The following SLC26A11 variants were observed in gnomAD, a reference collection of about 807,000 sequenced individuals.
SLC26A11 encodes the protein sodium-independent sulfate anion transporter.
In SLC26A11, 58 loss-of-function variants were observed where a neutral mutation model predicts 62.2. That is an observed-to-expected ratio of 0.93 (90% CI 0.76 to 1.16). The LOEUF (loss-of-function observed/expected upper bound fraction) is 1.16, where lower values mean the gene tolerates loss of function less well. Among genes scored for constraint, SLC26A11 ranks in the 50% most tolerant of loss-of-function variants. The probability of loss-of-function intolerance (pLI) is 0.00; values close to 1 mark genes in which losing one functional copy is unlikely to be tolerated. For missense variants in SLC26A11, 790 were observed against 794.3 expected, an observed-to-expected ratio of 0.99 and a Z score of 0.06; for synonymous variants, 411 against 368.9, an observed-to-expected ratio of 1.11 and a Z score of -1.31.
Position 80,223,280 on chromosome 17 carries a change from C to T in SLC26A11, c.456C>T (p.Pro152=), listed in dbSNP as rs762818859. 21 of 1,614,004 alleles carry T rather than the reference C, an allele frequency of 1.3e-5. No individual in the cohort carries two copies. The Admixed American group carries it at 1.3e-4, about 10-fold the overall frequency. The part of the protein sequence containing the change: ...LGFLLDFISY[P]VIKGFTSAAA... ...TCCTGCTGGACTTCATTTCCTACCC[C>T]GTCATTAAAGGCTTCACCTCTGCTG... Residue 152 remains proline, a synonymous_variant, in exon 5 of 18, where the codon CCC becomes CCT. Transcript: ENST00000361193. The surrounding 1 kb of genome is among the most constrained non-coding windows in gnomAD (Gnocchi z 4.6).
chr17:80,251,145 T>A (rs1319591947), intron 16 of SLC26A11, among the ~76,000 whole-genome samples, 184 bp from the exon 17 acceptor site: 53 of 145,534 alleles, frequency 3.6e-4, no homozygotes, highest in African/African-American at 1.3e-3. Flanking sequence ...AACAAAAAAT[T>A]AAAAAAAAAA....
chr17:80,245,604 G>A (rs568509287), intron 11 of SLC26A11, among the ~76,000 whole-genome samples: 13 of 152,248 alleles, frequency 8.5e-5, no homozygotes, highest in East Asian at 1.9e-4. Flanking sequence ...GCAACAGAGC[G>A]AGACCCTGTC....
At chr17:80,231,146 TTTTTTTTTTTTTCAAAAAAAA>T (rs2042555444) in intron 7 of SLC26A11, among the ~76,000 whole-genome samples, 2 of 150,816 alleles carry the variant, frequency 1.3e-5, no homozygotes, top group Non-Finnish European at 3.0e-5. Context: ...TTATCCTTTT[TTTTTTTTTTTTTCAAAAAAAA>T]TTTTTTTTTT....
chr17:80,237,753 A>G (rs2042738643), intron 9 of SLC26A11, among the ~76,000 whole-genome samples, 159 bp downstream of exon 9: 1 of 152,254 alleles, frequency 6.6e-6, no homozygotes, highest in Admixed American at 6.5e-5. Flanking sequence ...TTGTGTATAT[A>G]TGATAAAACT....
chr17:80,250,350 T>C (rs747515629), intron 16 of SLC26A11, among the ~76,000 whole-genome samples: 16 of 152,192 alleles, frequency 1.1e-4, no homozygotes, highest in Non-Finnish European at 1.9e-4. Context: ...GCTAGTGTTA[T>C]CTTCATCCCC....
At chr17:80,247,620 C>T (rs1026476830) in intron 13 of SLC26A11, among the ~76,000 whole-genome samples, 5 of 152,220 alleles carry the variant, frequency 3.3e-5, no homozygotes, top group Admixed American at 6.5e-5. Flanking sequence ...CGTGCCAGTG[C>T]GCTGGGGCTT....
intron 9 of SLC26A11, 57 bp from the exon 10 acceptor site, chr17:80,241,714 A>T: frequency 1.3e-6 from 2 of 1,554,324 alleles, no homozygotes; most frequent in Non-Finnish European, 8.9e-7. Context: ...TTTTGTGAAT[A>T]CTTTTTGAGC....
chr17:80,225,618 G>C (rs2042386268), intron 5 of SLC26A11: 2 of 550,160 alleles, frequency 3.6e-6, no homozygotes, highest in African/African-American at 1.9e-5. Context: ...TAATTGTGAA[G>C]TACTGTCTCC....
At chr17:80,226,718 C>G (rs192607162) in intron 6 of SLC26A11, among the ~76,000 whole-genome samples, 31 of 152,264 alleles carry the variant, frequency 2.0e-4, no homozygotes, top group African/African-American at 6.5e-4. Flanking sequence ...CCCTGCCCCC[C>G]CGAAAAGAAA....
rs1298398134 is a variant in SLC26A11 at position 80,222,659 on chromosome 17, G to A, written c.239G>A (p.Gly80Asp). Residue 80 changes from glycine (G) to aspartate (D), a missense_variant, in exon 4 of 18, where the codon GGC (glycine) becomes GAC (aspartate). Coordinates refer to ENST00000361193, the MANE Select transcript of SLC26A11 (RefSeq NM_001166347.2). The surrounding 1 kb of genome is among the most constrained non-coding windows in gnomAD (Gnocchi z 4.7). The part of the protein sequence containing the change: ...AEVAGLPPQY[G>D]LYSAFMGCFV... ...CACCACCCTCTCTCCCCACAGTATG[G>A]CCTCTACTCTGCCTTCATGGGCTGC... 32 of 1,613,816 alleles carry A rather than the reference G, an allele frequency of 2.0e-5. No homozygotes were observed. The highest frequency in any genetic ancestry group is 2.5e-5 in the Non-Finnish European group (30 of 1,179,926).
At position 80,249,178 on chromosome 17, in the gene SLC26A11, T is replaced by C. The variant is rs754963584; in HGVS notation, c.1547T>C (p.Leu516Pro). ...LEVSPPRCLVLECTHVCSIDY... is the reference protein window; with the variant it reads ...LEVSPPRCLVPECTHVCSIDY... ...GTGTCCCCGCCACGCTGCCTGGTCCTGGAGTGCACCCATGTCTGCAGCATC... is the reference window on the plus strand; with the variant it reads ...GTGTCCCCGCCACGCTGCCTGGTCCCGGAGTGCACCCATGTCTGCAGCATC... Residue 516 changes from leucine to proline, a missense_variant, in exon 16 of 18, where the codon CTG becomes CCG. By Grantham distance (98) the Leu-to-Pro change is moderately conservative (BLOSUM62 -3). Coordinates refer to ENST00000361193, the MANE Select transcript of SLC26A11 (RefSeq NM_001166347.2). 4.3e-6 allele frequency: 7 copies of C among 1,609,520 alleles called. No individual in the cohort carries two copies. The highest frequency in any genetic ancestry group is 1.1e-5 in the South Asian group (1 of 90,928).
In SLC26A11 at chr17:80,223,214, A is replaced by G. The variant is rs754521004; in HGVS notation, c.428-38A>G. The G allele has an allele frequency of 5.7e-6, 9 of 1,588,904 alleles. No homozygotes were observed. The highest frequency in any genetic ancestry group is 5.2e-6 in the Non-Finnish European group (6 of 1,157,920). On this transcript the variant is annotated intron_variant, in intron 4 of 17. Transcript: ENST00000361193. The surrounding 1 kb of genome is among the most constrained non-coding windows in gnomAD (Gnocchi z 4.6). ...CCCCTCATCCTCTGGGACTGGGTGG[A>G]GCCGGGACCAGCTCGATGTCCCCTC...
Position 80,246,316 on chromosome 17 carries a change from A to G in SLC26A11, c.1153+107A>G, listed in dbSNP as rs1448994390. 38 of 1,456,166 alleles carry G rather than the reference A, an allele frequency of 2.6e-5. No individual in the cohort carries two copies. Among genetic ancestry groups the G allele is most frequent in the Non-Finnish European group, 3.4e-5 (37 of 1,076,284 alleles). 90.2% of individuals were successfully genotyped at this position (1,456,166 alleles called of 1,614,324 possible). The stretch of plus-strand genomic sequence containing the variant: ...TGGCTCATGGGCCGTGCGCCCCGGG[A>G]CTGCACAGGGACTTGGGGGGCCACA... On this transcript the variant is annotated intron_variant, in intron 12 of 17. Transcript: ENST00000361193. This position sits in a 1 kb window ranked among gnomAD's most constrained non-coding sequence, Gnocchi z 4.4.
intron 16 of SLC26A11, among the ~76,000 whole-genome samples, chr17:80,250,868 C>A (rs1350266422): frequency 1.4e-5 from 2 of 138,758 alleles, no homozygotes. Flanking sequence ...GGGCCAGGCG[C>A]TGTGGCTCAC....
In SLC26A11 at chr17:80,246,260, A is replaced by G. The variant is rs1449779778; in HGVS notation, c.1153+51A>G. 2 of 1,577,640 alleles carry G rather than the reference A, an allele frequency of 1.3e-6. No individual in the cohort carries two copies. Among genetic ancestry groups the G allele is most frequent in the East Asian group, 2.2e-5 (1 of 44,670 alleles). On this transcript the variant is annotated intron_variant, in intron 12 of 17. Coordinates refer to ENST00000361193, the MANE Select transcript of SLC26A11 (RefSeq NM_001166347.2). The surrounding 1 kb of genome is among the most constrained non-coding windows in gnomAD (Gnocchi z 4.4). Reference sequence around the variant, plus strand: ...GCCCGCAGCCCTGAGAGTGGGAGAAAGGGAGGAGGGGGCCCACAGAGACGT... The same window carrying G: ...GCCCGCAGCCCTGAGAGTGGGAGAAGGGGAGGAGGGGGCCCACAGAGACGT...
Position 80,221,808 on chromosome 17 carries a change from C to T in SLC26A11, c.234+14C>T, listed in dbSNP as rs748619021. On this transcript the variant is annotated intron_variant, in intron 3 of 17. Coordinates refer to ENST00000361193, the MANE Select transcript of SLC26A11 (RefSeq NM_001166347.2). ...CTCCCGCCCCAGGTGAGGCGTCTGACCCTGCTGCCAGCCATATCTCAGAAA... is the reference window on the plus strand; with the variant it reads ...CTCCCGCCCCAGGTGAGGCGTCTGATCCTGCTGCCAGCCATATCTCAGAAA... The T allele has an allele frequency of 6.2e-7, 1 of 1,601,892 alleles. No individual in the cohort carries two copies. The highest frequency in any genetic ancestry group is 8.5e-7 in the Non-Finnish European group (1 of 1,176,202).
chr17:80,234,394 T>A (rs1200813475), intron 7 of SLC26A11, among the ~76,000 whole-genome samples: 1 of 152,236 alleles, frequency 6.6e-6, no homozygotes, highest in Non-Finnish European at 1.5e-5. Flanking sequence ...GTATGTAACC[T>A]TTTTATCCAC....
At chr17:80,250,823 A>C (rs2043135947) in intron 16 of SLC26A11, among the ~76,000 whole-genome samples, 1 of 136,414 alleles carries the variant, frequency 7.3e-6, no homozygotes. Flanking sequence ...GTGAAACTCC[A>C]TCTCAAAAAC....
Position 80,241,804 on chromosome 17 carries a change from A to C in SLC26A11, c.1019A>C (p.Gln340Pro). The change falls in exon 10 of 18, where the codon CAG becomes CCG. Residue 340 changes from glutamine (Q) to proline (P), a missense_variant. By Grantham distance (76) the Gln-to-Pro change is moderately conservative (BLOSUM62 -1). Coordinates refer to ENST00000361193, the MANE Select transcript of SLC26A11 (RefSeq NM_001166347.2). ...SQNNYRIDAN[Q>P]ELLAIGLTNM... ...AATAATTACCGCATCGATGCCAACC[A>C]GGAGCTGCTGGCCATCGGTAAGACC... 1 of 1,614,174 alleles carries C rather than the reference A, an allele frequency of 6.2e-7. No individual in the cohort carries two copies.
Sources: gnomAD v4.1 joint callset for allele counts (sites outside exome capture counted in the v4.1 genomes callset) on GRCh38, gnomAD v4.1.1 for gene constraint, Gnocchi (gnomAD v3.1) non-coding constraint, MANE v1.5 for transcripts, NCBI Gene and HGNC (gene_info 2026-07-23, HGNC 2026-07-21) for gene names.